Variants in DMRT1 observed in about 807,000 individuals in gnomAD.
DMRT1 encodes the protein doublesex and mab-3 related transcription factor 1.
A neutral mutation model predicts 32.3 loss-of-function variants in DMRT1; 7 were observed. The ratio of observed to expected loss-of-function variants is 0.22; its 90% confidence interval spans 0.12 to 0.41. The LOEUF (loss-of-function observed/expected upper bound fraction) is 0.41. Ranked by LOEUF, DMRT1 falls within the 10% of genes least tolerant of loss-of-function variation. DMRT1 has a pLI of 1.00. For synonymous variants in DMRT1, 278 were observed against 206.1 expected, an observed-to-expected ratio of 1.35 and a Z score of -2.99; for missense variants, 625 against 500.5, an observed-to-expected ratio of 1.25 and a Z score of -2.37.
At chr9:900,384 T>C (rs750543983) in intron 3 of DMRT1, among the ~76,000 whole-genome samples, 14 of 152,024 alleles carry the variant, frequency 9.2e-5, no homozygotes, top group Non-Finnish European at 1.6e-4. Context: ...CCCCTTTTTT[T>C]GTTGTTTTTT....
At chr9:876,998 T>G (rs1816530406) in intron 2 of DMRT1, among the ~76,000 whole-genome samples, 1 of 151,982 alleles carries the variant, frequency 6.6e-6, no homozygotes, top group Non-Finnish European at 1.5e-5. Flanking sequence ...GCCTCAGCCA[T>G]GGTCCCACTT....
chr9:886,919 A>G (rs1041318837), intron 2 of DMRT1, among the ~76,000 whole-genome samples: 4 of 152,204 alleles, frequency 2.6e-5, no homozygotes, highest in Admixed American at 6.5e-5. Flanking sequence ...AGTCTGGGCA[A>G]GGAATCGGAT....
At chr9:850,248 C>G (rs1399198825) in intron 2 of DMRT1, among the ~76,000 whole-genome samples, 1 of 152,080 alleles carries the variant, frequency 6.6e-6, no homozygotes, top group African/African-American at 2.4e-5. Context: ...AGGATGTGAG[C>G]AAGAGGGAAA....
At chr9:845,726 C>G (rs1440268530) in intron 1 of DMRT1, among the ~76,000 whole-genome samples, 1 of 152,062 alleles carries the variant, frequency 6.6e-6, no homozygotes, top group Non-Finnish European at 1.5e-5. Context: ...CCCGCATGCT[C>G]CCTCCACCCC....
intron 2 of DMRT1, among the ~76,000 whole-genome samples, chr9:871,604 G>C (rs375298760): frequency 7.0e-6 from 1 of 142,118 alleles, no homozygotes; most frequent in African/African-American, 2.8e-5. Context: ...GCCTCCCAAA[G>C]TGCTGGGATT....
chr9:870,855 G>T (rs891332462), intron 2 of DMRT1, among the ~76,000 whole-genome samples: 1 of 151,686 alleles, frequency 6.6e-6, no homozygotes, highest in African/African-American at 2.4e-5. Context: ...GGAACTACAG[G>T]TGCACACCGC....
At chr9:935,992 G>C (rs1457372612) in intron 4 of DMRT1, among the ~76,000 whole-genome samples, 4 of 152,140 alleles carry the variant, frequency 2.6e-5, no homozygotes, top group African/African-American at 9.7e-5. Context: ...TTCAAGGCTG[G>C]AGACACTTTA....
At chr9:852,322 T>C (rs983727948) in intron 2 of DMRT1, among the ~76,000 whole-genome samples, 1 of 151,370 alleles carries the variant, frequency 6.6e-6, no homozygotes, top group Non-Finnish European at 1.5e-5. Flanking sequence ...ATTTTGACTC[T>C]ACATGACAAA....
chr9:919,083 T>C (rs1359263300), intron 4 of DMRT1, among the ~76,000 whole-genome samples: 2 of 152,138 alleles, frequency 1.3e-5, no homozygotes, highest in Non-Finnish European at 2.9e-5. Context: ...GTATATTCAT[T>C]TGTGAGATAT....
chr9:916,619 G>A (rs745711282), intron 3 of DMRT1, 144 bp from the exon 4 acceptor site: 11 of 962,092 alleles, frequency 1.1e-5, no homozygotes, highest in South Asian at 4.1e-5. Flanking sequence ...CGATCCTCCC[G>A]CCCTGGCCTC....
At chr9:960,373 A>G (rs1032251366) in intron 4 of DMRT1, among the ~76,000 whole-genome samples, 1 of 152,234 alleles carries the variant, frequency 6.6e-6, no homozygotes, top group African/African-American at 2.4e-5. Context: ...CCAATGTTTA[A>G]TAAAAATCCT....
intron 4 of DMRT1, among the ~76,000 whole-genome samples, chr9:954,839 AC>A (rs1328554345): frequency 6.6e-6 from 1 of 151,886 alleles, no homozygotes; most frequent in Non-Finnish European, 1.5e-5. Context: ...ACAGGGTTTC[AC>A]CATGTTGGCC....
rs191198502 is a variant in DMRT1, at chr9:864,718, T to C, written c.538+17575T>C. Among the ~76,000 whole-genome samples, 269 of 151,650 alleles carry C rather than the reference T, an allele frequency of 1.8e-3. 1 individual carries two copies. Among genetic ancestry groups the C allele is most frequent in the Admixed American group, 0.013 (201 of 15,212 alleles). On this transcript the variant is annotated intron_variant, in intron 2 of 4. Transcript: ENST00000382276. ...GGTTTCACCATGTTAGCCAGGATGG[T>C]CTCCATCTCCTAACCTTGCGATCCG...
intron 4 of DMRT1, among the ~76,000 whole-genome samples, chr9:949,544 T>G (rs1819363199): frequency 6.6e-6 from 1 of 152,214 alleles, no homozygotes. Flanking sequence ...AGTTTCTTAC[T>G]GTCTGCTTTA....
intron 2 of DMRT1, among the ~76,000 whole-genome samples, chr9:891,581 A>G (rs1242184329): frequency 2.7e-5 from 4 of 149,306 alleles, no homozygotes; most frequent in African/African-American, 7.4e-5. Flanking sequence ...GTGGCCCAAT[A>G]TCGTCTCACT....
At chr9:940,905 G>T (rs1819043966) in intron 4 of DMRT1, among the ~76,000 whole-genome samples, 1 of 152,194 alleles carries the variant, frequency 6.6e-6, no homozygotes, top group South Asian at 2.1e-4. Flanking sequence ...CTCCAAAGAA[G>T]ATATAGTAAT....
Position 863,080 on chromosome 9 carries a change from T to A in DMRT1, c.538+15937T>A, listed in dbSNP as rs1359635717. 2.1e-5 allele frequency among the ~76,000 whole-genome samples: 3 copies of A among 143,950 alleles called. No homozygotes were observed. In the South Asian group the frequency reaches 6.5e-4, roughly 31 times the overall value. The allele number at this position is 143,950 out of a possible 152,430, so 94.4% of individuals were successfully genotyped here. A position where few individuals can be genotyped will look rare whatever the true frequency, so the allele number is the denominator to read the frequency against. On this transcript the variant is annotated intron_variant, in intron 2 of 4. Coordinates refer to ENST00000382276, the MANE Select transcript of DMRT1 (RefSeq NM_021951.3). ...CTCTCATCCCAGCATTCTGGGAGGCTGAGGCTGAAGGATTGCTTAAGCTCA... is the reference window on the plus strand; with the variant it reads ...CTCTCATCCCAGCATTCTGGGAGGCAGAGGCTGAAGGATTGCTTAAGCTCA...
chr9:950,285 T>C (rs1819386216), intron 4 of DMRT1, among the ~76,000 whole-genome samples: 1 of 151,972 alleles, frequency 6.6e-6, no homozygotes, highest in South Asian at 2.1e-4. Flanking sequence ...GGGCAACAGA[T>C]TTGTGGATGT....
At chr9:885,968 C>A (rs146334500) in intron 2 of DMRT1, among the ~76,000 whole-genome samples, 1 of 152,152 alleles carries the variant, frequency 6.6e-6, no homozygotes, top group African/African-American at 2.4e-5. Flanking sequence ...AACAATGCTG[C>A]TAGCTTTCTG....
Sources: gnomAD v4.1 joint callset for allele counts (sites outside exome capture counted in the v4.1 genomes callset) on GRCh38, gnomAD v4.1.1 for gene constraint, MANE v1.5 for transcripts, NCBI Gene and HGNC (gene_info 2026-07-23, HGNC 2026-07-21) for gene names.